Variants in BAZ1A observed in about 807,000 individuals in gnomAD.
The protein encoded by BAZ1A is bromodomain adjacent to zinc finger domain protein 1A.
In BAZ1A, 50 loss-of-function variants were observed where a neutral mutation model predicts 185.2. The observed-to-expected ratio is 0.27, with a 90% CI of 0.22 to 0.34. The LOEUF (loss-of-function observed/expected upper bound fraction) is 0.34, where lower values mean the gene tolerates loss of function less well. Ranked by LOEUF, BAZ1A falls within the 10% of genes least tolerant of loss-of-function variation. The pLI, the probability that BAZ1A is intolerant of heterozygous loss-of-function variation, is 1.00. For synonymous variants in BAZ1A, 571 were observed against 615.6 expected (o/e 0.93, Z 1.07); for missense variants, 1,356 against 1,839.9 (o/e 0.74, Z 4.81).
chr14:34,844,603 C>T (rs1211412759), intron 3 of BAZ1A, among the ~76,000 whole-genome samples: 2 of 148,572 alleles, frequency 1.3e-5, no homozygotes, highest in African/African-American at 4.9e-5. Context: ...GCAGGGAGAC[C>T]CTGTTTCTAC....
At chr14:34,872,941 A>AAAAAAAAAAAAAAAAAAAAAAAAAC (rs1555346584) in intron 2 of BAZ1A, among the ~76,000 whole-genome samples, 4 of 122,616 alleles carry the variant, frequency 3.3e-5, no homozygotes, top group African/African-American at 9.8e-5. Flanking sequence ...AAAAAAAAAA[A>AAAAAAAAAAAAAAAAAAAAAAAAAC]CTTGTCCAAT....
At chr14:34,851,850 G>A (rs765906214) in intron 3 of BAZ1A, among the ~76,000 whole-genome samples, 1 of 152,128 alleles carries the variant, frequency 6.6e-6, no homozygotes, top group Non-Finnish European at 1.5e-5. Flanking sequence ...CACATAGGCC[G>A]GGCGTGGTGG....
chr14:34,769,005 G>A (rs769361512), intron 21 of BAZ1A, among the ~76,000 whole-genome samples: 2 of 152,012 alleles, frequency 1.3e-5, no homozygotes, highest in South Asian at 2.1e-4. Context: ...GAGGTAGAAC[G>A]TAAGTAGAAT....
rs151000409 is a variant in BAZ1A, at chr14:34,765,910, G to A, written c.3302-642C>T. ...GATTTCCACTTCAATCTTTAATATT[G>A]TTACCACCTTAATTTTCCAAAAACA... On this transcript the variant is annotated intron_variant, in intron 21 of 26. Coordinates refer to ENST00000360310, the MANE Select transcript of BAZ1A (RefSeq NM_013448.3). Among the ~76,000 whole-genome samples, 917 of 152,034 alleles carry A rather than the reference G, an allele frequency of 6.0e-3. 11 individuals are homozygous for A. The highest frequency in any genetic ancestry group is 0.021 in the African/African-American group (881 of 41,462).
intron 20 of BAZ1A, 27 bp from the exon 21 acceptor site, chr14:34,771,686 T>C (rs372929224): frequency 1.9e-5 from 31 of 1,604,354 alleles, no homozygotes; most frequent in Non-Finnish European, 2.6e-5. Flanking sequence ...TAAGAGTTTA[T>C]GGTACTTAAA....
chr14:34,824,492 T>C (rs1163356867), intron 4 of BAZ1A, among the ~76,000 whole-genome samples: 1 of 151,016 alleles, frequency 6.6e-6, no homozygotes, highest in Non-Finnish European at 1.5e-5. Context: ...CTAAAAATTA[T>C]TCTGTCAGGC....
chr14:34,821,640 T>C (rs7145614), intron 4 of BAZ1A, among the ~76,000 whole-genome samples: 45,472 of 152,150 alleles, frequency 0.3, 7,053 homozygotes, highest in Admixed American at 0.39. Context: ...TATTTTATGA[T>C]ATTGATGTAT....
At chr14:34,760,071 G>A (rs1197944116) in intron 24 of BAZ1A, among the ~76,000 whole-genome samples, 1 of 152,184 alleles carries the variant, frequency 6.6e-6, no homozygotes, top group African/African-American at 2.4e-5. Context: ...TAAAGTATAT[G>A]CATTGGTAGA....
At chr14:34,796,805 C>T (rs187149634) in intron 9 of BAZ1A, among the ~76,000 whole-genome samples, 28 of 152,272 alleles carry the variant, frequency 1.8e-4, no homozygotes, top group Middle Eastern at 6.8e-3. Flanking sequence ...TAGATAGTTA[C>T]GGAACTTGCT....
At chr14:34,812,875 G>A (rs1030890349) in intron 4 of BAZ1A, among the ~76,000 whole-genome samples, 2 of 152,070 alleles carry the variant, frequency 1.3e-5, no homozygotes, top group African/African-American at 2.4e-5. Context: ...AAGTTGGAAG[G>A]CCAAGTATCT....
At chr14:34,801,039 G>C in intron 8 of BAZ1A, 55 bp downstream of exon 8, 1 of 1,310,734 alleles carries the variant, frequency 7.6e-7, no homozygotes, top group Non-Finnish European at 1.0e-6. Flanking sequence ...CTCAGGCACA[G>C]AGAAATATTC....
At chr14:34,754,785 C>A in intron 26 of BAZ1A, 42 bp downstream of exon 26, 3 of 1,389,102 alleles carry the variant, frequency 2.2e-6, no homozygotes, top group Non-Finnish European at 3.0e-6. Context: ...TAACAAAATG[C>A]CTTAGAAAAA....
chr14:34,874,429 A>T lies in BAZ1A; in HGVS notation c.113+63T>A. On this transcript the variant is annotated intron_variant, in intron 2 of 26. Transcript: ENST00000360310. This position sits in a 1 kb window ranked among gnomAD's most constrained non-coding sequence, Gnocchi z 4.7. ...CCAGGGCGAGGAAAAGGAGAGAGAC[A>T]AAAGAGCGCTGCGGGGGGAGTCCCC... The T allele has an allele frequency of 6.9e-7, 1 of 1,459,200 alleles. No individual in the cohort carries two copies. The highest frequency in any genetic ancestry group is 9.6e-7 in the Non-Finnish European group (1 of 1,044,226). The allele number at this position is 1,459,200 out of a possible 1,614,324, so 90.4% of individuals were successfully genotyped here. A position where few individuals can be genotyped will look rare whatever the true frequency, so the allele number is the denominator to read the frequency against.
intron 2 of BAZ1A, among the ~76,000 whole-genome samples, chr14:34,864,272 C>T (rs35153498): frequency 0.55 from 83,454 of 151,538 alleles, 23,942 homozygotes; most frequent in Non-Finnish European, 0.65. Flanking sequence ...GCCTCCCAAG[C>T]AGCTGGGACT....
intron 3 of BAZ1A, among the ~76,000 whole-genome samples, chr14:34,858,047 C>T: frequency 6.6e-6 from 1 of 152,180 alleles, no homozygotes; most frequent in East Asian, 1.9e-4. Flanking sequence ...GCTAGCAATA[C>T]AGCGAACAAA....
chr14:34,782,006 T>C (rs139987734), intron 16 of BAZ1A, among the ~76,000 whole-genome samples: 36 of 152,368 alleles, frequency 2.4e-4, no homozygotes, highest in Non-Finnish European at 5.1e-4. Context: ...AACATTTGTG[T>C]ATACATTTTT....
At position 34,761,972 on chromosome 14, in the gene BAZ1A, A is replaced by T. The variant is rs545263665; in HGVS notation, c.4028T>A (p.Leu1343Gln). ...SRSTRHSHGP[L>Q]QADVFVELLS... ...CAATTCCACAAATACATCTGCTTGCAGTGGGCCATGACTGTGGCGAGTAGA... is the reference window on the plus strand; with the variant it reads ...CAATTCCACAAATACATCTGCTTGCTGTGGGCCATGACTGTGGCGAGTAGA... The change falls in exon 24 of 27, where the codon CTG becomes CAG. Residue 1343 changes from leucine to glutamine, a missense_variant. This residue lies in a region of BAZ1A where 309 missense variants were observed against 355.3 expected (regional missense o/e 0.87). Transcript: ENST00000360310. The T allele has an allele frequency of 5.0e-6, 8 of 1,614,182 alleles. No homozygotes were observed. The South Asian group carries it at 7.7e-5, about 16-fold the overall frequency.
chr14:34,753,837 G>T lies in BAZ1A; in HGVS notation c.4475-133C>A, dbSNP rs1886123082. 4 of 721,668 alleles carry T rather than the reference G, an allele frequency of 5.5e-6. No homozygotes were observed. In the East Asian group the frequency reaches 9.0e-5, roughly 16 times the overall value. 44.7% of individuals were successfully genotyped at this position (721,668 alleles called of 1,614,324 possible). On this transcript the variant is annotated intron_variant, in intron 26 of 26. Transcript: ENST00000360310. ...TTTTTCTTTAGAAAGAGAAGACTCT[G>T]GCTAGGCATGGTGGCTCACATCTGT...
At chr14:34,863,742 T>TTA (rs1162664892) in intron 2 of BAZ1A, among the ~76,000 whole-genome samples, 5 of 152,168 alleles carry the variant, frequency 3.3e-5, no homozygotes, top group East Asian at 3.8e-4. Flanking sequence ...ATGTATGTAC[T>TTA]TATATATATA....
Sources: gnomAD v4.1 joint callset for allele counts (sites outside exome capture counted in the v4.1 genomes callset) on GRCh38, gnomAD v4.1.1 for gene constraint, gnomAD v4.1.1 regional missense constraint, Gnocchi (gnomAD v3.1) non-coding constraint, MANE v1.5 for transcripts, NCBI Gene and HGNC (gene_info 2026-07-23, HGNC 2026-07-21) for gene names.